The following GALNT14 variants were observed in gnomAD, a reference collection of about 807,000 sequenced individuals.
GALNT14 encodes polypeptide N-acetylgalactosaminyltransferase 14, also known as UDP-GalNAc:polypeptide N-acetylgalactosaminyltransferase 14.
In GALNT14, 60 loss-of-function variants were observed where a neutral mutation model predicts 77.5. The ratio of observed to expected loss-of-function variants is 0.77; its 90% CI spans 0.63 to 0.96. GALNT14 has a LOEUF of 0.96. GALNT14 is among the 40% of genes least tolerant of loss of function. The probability of loss-of-function intolerance (pLI) is 0.00; values close to 1 mark genes in which losing one functional copy is unlikely to be tolerated. For synonymous variants in GALNT14, 280 were observed against 281.7 expected (o/e 0.99, Z 0.06); for missense variants, 710 against 731.0 (o/e 0.97, Z 0.33).
At chr2:31,114,886 TAACA>T (rs995860830) in intron 1 of GALNT14, 45 of 701,848 alleles carry the variant, frequency 6.4e-5, no homozygotes, top group Middle Eastern at 4.7e-4. Context: ...AACAGGTAAC[TAACA>T]AAGAAAAAGT....
chr2:31,005,211 TG>T (rs1380197727), intron 1 of GALNT14, among the ~76,000 whole-genome samples: 14 of 152,250 alleles, frequency 9.2e-5, no homozygotes, highest in African/African-American at 3.4e-4. Flanking sequence ...GATCCTTTGT[TG>T]TTTTCAACCC....
At chr2:31,064,506 C>T (rs1426525931) in intron 1 of GALNT14, among the ~76,000 whole-genome samples, 1 of 152,182 alleles carries the variant, frequency 6.6e-6, no homozygotes, top group East Asian at 1.9e-4. Flanking sequence ...CTAAATTTAA[C>T]TAAAGGGACT....
chr2:31,049,445 G>A (rs1204174392), intron 1 of GALNT14, among the ~76,000 whole-genome samples: 1 of 152,296 alleles, frequency 6.6e-6, no homozygotes, highest in Admixed American at 6.5e-5. Context: ...GGTCACCAGG[G>A]GACACTAGCT....
chr2:30,905,089 A>G, the GALNT14 span, among the ~76,000 whole-genome samples: 6 of 152,176 alleles, frequency 3.9e-5, no homozygotes, highest in African/African-American at 9.7e-5. Context: ...ACCAAAAGTA[A>G]ATAAAACCAC....
At chr2:31,080,051 T>G (rs1239565804) in intron 1 of GALNT14, among the ~76,000 whole-genome samples, 1 of 152,178 alleles carries the variant, frequency 6.6e-6, no homozygotes, top group African/African-American at 2.4e-5. Context: ...AGGGATGCAG[T>G]GATACACATC....
chr2:30,933,808 G>A lies in GALNT14; in HGVS notation c.932-1614C>T, dbSNP rs560491037. 3.9e-5 allele frequency among the ~76,000 whole-genome samples: 6 copies of A among 152,340 alleles called. No individual in the cohort carries two copies. In the South Asian group the frequency reaches 1.2e-3, roughly 32 times the overall value. On this transcript the variant is annotated intron_variant, in intron 9 of 14. Coordinates refer to ENST00000349752, the MANE Select transcript of GALNT14 (RefSeq NM_024572.4). ...TGGGAAACCTGCTTAAGCTCGCGGA[G>A]GCCTGATTTGCTCTTATGTCAAACA...
intron 1 of GALNT14, among the ~76,000 whole-genome samples, chr2:31,099,353 CT>C (rs1037426753): frequency 1.3e-5 from 2 of 151,630 alleles, no homozygotes; most frequent in Non-Finnish European, 2.9e-5. Flanking sequence ...TTGATTAGGC[CT>C]TTGTCATGTG....
At chr2:31,093,674 A>T (rs1676869407) in intron 1 of GALNT14, among the ~76,000 whole-genome samples, 1 of 152,186 alleles carries the variant, frequency 6.6e-6, no homozygotes, top group Admixed American at 6.5e-5. Flanking sequence ...AATGAATAGC[A>T]CCGTTAACAA....
chr2:30,916,473 G>T (rs1265648505), intron 13 of GALNT14, among the ~76,000 whole-genome samples: 2 of 152,228 alleles, frequency 1.3e-5, no homozygotes, highest in African/African-American at 4.8e-5. Context: ...CTTAGTTGGT[G>T]TGGGTGACCC....
chr2:31,054,462 C>T (rs773515435), intron 1 of GALNT14, among the ~76,000 whole-genome samples: 3 of 152,150 alleles, frequency 2.0e-5, no homozygotes, highest in Middle Eastern at 6.3e-3. Context: ...CATGTCTGGG[C>T]TTTTCTTGTT....
intron 2 of GALNT14, among the ~76,000 whole-genome samples, chr2:30,969,789 G>A (rs922604037): frequency 2.6e-5 from 4 of 152,190 alleles, no homozygotes; most frequent in African/African-American, 9.7e-5. Context: ...CACCTCTCCA[G>A]CTTTCCATCT....
chr2:30,991,436 C>A (rs1267252402), intron 2 of GALNT14: 2 of 150,806 alleles, frequency 1.3e-5, no homozygotes, highest in African/African-American at 5.0e-5. Flanking sequence ...AGGAGTAGGA[C>A]AAGTGCCCAG....
intron 13 of GALNT14, among the ~76,000 whole-genome samples, chr2:30,918,079 G>C (rs1050547646): frequency 6.6e-6 from 1 of 152,238 alleles, no homozygotes; most frequent in African/African-American, 2.4e-5. Context: ...TTTCTCCAGA[G>C]GCAGCAGGAT....
intron 1 of GALNT14, among the ~76,000 whole-genome samples, chr2:31,035,182 T>C (rs547688839): frequency 1.2e-4 from 19 of 152,318 alleles, no homozygotes; most frequent in Non-Finnish European, 2.2e-4. Context: ...ATTCTACCTA[T>C]TATCAAAAGT....
intron 1 of GALNT14, among the ~76,000 whole-genome samples, chr2:31,041,912 A>G (rs1673116634): frequency 1.3e-5 from 2 of 152,166 alleles, no homozygotes; most frequent in Non-Finnish European, 2.9e-5. Flanking sequence ...AAGAGGGGAG[A>G]TATCAAGAGA....
chr2:30,951,105 G>T (rs1667002141), intron 6 of GALNT14, among the ~76,000 whole-genome samples: 1 of 152,104 alleles, frequency 6.6e-6, no homozygotes, highest in South Asian at 2.1e-4. Flanking sequence ...ACAAAAACTT[G>T]TACACAAATA....
At chr2:31,052,425 G>A (rs892251117) in intron 1 of GALNT14, among the ~76,000 whole-genome samples, 1 of 152,234 alleles carries the variant, frequency 6.6e-6, no homozygotes, top group Admixed American at 6.5e-5. Flanking sequence ...ACAACAGAGT[G>A]AGAAGCTGGG....
At chr2:30,888,826 A>G in the GALNT14 span, among the ~76,000 whole-genome samples, 4 of 152,196 alleles carry the variant, frequency 2.6e-5, no homozygotes, top group Admixed American at 6.5e-5. Flanking sequence ...TGGCAAATTC[A>G]GTCACATGAT....
rs1472245024 is a variant in GALNT14, at chr2:30,930,793, T to C, written c.1058+1275A>G. On this transcript the variant is annotated intron_variant, in intron 10 of 14. Transcript: ENST00000349752. ...GTGGGGCACTGGAGGCAGTTAACAGTGCCTCCCTGGCCCCTTCCACTGACC... is the reference window on the plus strand; with the variant it reads ...GTGGGGCACTGGAGGCAGTTAACAGCGCCTCCCTGGCCCCTTCCACTGACC... Among the ~76,000 whole-genome samples the C allele has an allele frequency of 3.3e-5, 5 of 152,240 alleles. No homozygotes were observed. In the East Asian group the frequency reaches 5.8e-4, roughly 18 times the overall value.
Sources: gnomAD v4.1 joint callset for allele counts (sites outside exome capture counted in the v4.1 genomes callset) on GRCh38, gnomAD v4.1.1 for gene constraint, MANE v1.5 for transcripts, NCBI Gene and HGNC (gene_info 2026-07-23, HGNC 2026-07-21) for gene names.